The following GREB1 variants were observed in gnomAD, a reference collection of about 807,000 sequenced individuals.
GREB1 encodes protein GREB1.
GREB1 carries 106 observed loss-of-function variants against 200.7 expected under a neutral mutation model. The ratio of observed to expected loss-of-function variants is 0.53; its 90% CI spans 0.45 to 0.62. GREB1 has a LOEUF of 0.62. Ranked by LOEUF, GREB1 falls within the 20% of genes least tolerant of loss-of-function variation. The probability of loss-of-function intolerance (pLI) is 0.00; values close to 1 mark genes in which losing one functional copy is unlikely to be tolerated. For synonymous variants in GREB1, 1,132 were observed against 1,092.4 expected (o/e 1.04, Z -0.72); for missense variants, 2,243 against 2,556.8 (o/e 0.88, Z 2.65).
At chr2:11,482,988 A>G (rs1672542377) in intron 1 of GREB1, among the ~76,000 whole-genome samples, 1 of 151,012 alleles carries the variant, frequency 6.6e-6, no homozygotes, top group Non-Finnish European at 1.5e-5. Context: ...TCCGGGCGGC[A>G]GCGGGCGGAG....
chr2:11,627,192 GAGAT>G (rs1684536441), intron 25 of GREB1, 88 bp downstream of exon 25: 2 of 1,247,530 alleles, frequency 1.6e-6, no homozygotes, highest in East Asian at 2.6e-5. Context: ...TCCAGAGTGG[GAGAT>G]AGAGAGTTCT....
intron 10 of GREB1, chr2:11,591,840 C>A: frequency 5.0e-6 from 1 of 202,020 alleles, no homozygotes. Flanking sequence ...ACATTATGGA[C>A]ACACTAACAG....
chr2:11,530,306 C>G (rs558341020), upstream of GREB1, among the ~76,000 whole-genome samples: 1 of 151,966 alleles, frequency 6.6e-6, no homozygotes, highest in South Asian at 2.1e-4. Context: ...AAGTGATCCA[C>G]CCACTTTGGC....
intron 1 of GREB1, among the ~76,000 whole-genome samples, chr2:11,545,399 T>C (rs1450229585): frequency 6.6e-6 from 1 of 152,188 alleles, no homozygotes; most frequent in Non-Finnish European, 1.5e-5. Flanking sequence ...CCCAAAGTGC[T>C]GGGACTACAG....
intron 15 of GREB1, among the ~76,000 whole-genome samples, chr2:11,600,503 C>T (rs977872664): frequency 9.2e-5 from 14 of 152,166 alleles, no homozygotes; most frequent in African/African-American, 3.4e-4. Flanking sequence ...TGGAACATCC[C>T]CAGGGTCATA....
intron 1 of GREB1, among the ~76,000 whole-genome samples, chr2:11,551,349 G>A (rs1675805585): frequency 1.3e-5 from 2 of 152,196 alleles, no homozygotes; most frequent in African/African-American, 4.8e-5. Context: ...TTAAAGATAA[G>A]CAGATATCAA....
chr2:11,600,799 G>A lies in GREB1; in HGVS notation c.2334-1G>A. 4 of 1,612,234 alleles carry A rather than the reference G, an allele frequency of 2.5e-6. No individual in the cohort carries two copies. The highest frequency in any genetic ancestry group is 3.4e-6 in the Non-Finnish European group (4 of 1,178,272). ...ACTGATTGTGTCTTCTCCTCCCTCA[G>A]TAGCACTGTTCATAACCTCTATTCT... is the stretch of plus-strand genomic sequence containing the variant. On this transcript the variant is annotated splice_acceptor_variant, in intron 15 of 32. Transcript: ENST00000381486. LOFTEE classifies it high-confidence loss of function.
intron 22 of GREB1, among the ~76,000 whole-genome samples, chr2:11,619,609 G>A (rs1474562361): frequency 2.0e-5 from 3 of 152,176 alleles, no homozygotes; most frequent in Non-Finnish European, 4.4e-5. Flanking sequence ...GTTTAAAATC[G>A]TTGTCTCTTT....
intron 11 of GREB1, 125 bp downstream of exon 11, chr2:11,593,251 G>A (rs1680915081): frequency 1.6e-6 from 1 of 637,168 alleles, no homozygotes; most frequent in East Asian, 3.0e-5. Context: ...AGCACCTGCG[G>A]TTTGTGCTCA....
rs1350624192 is a variant in GREB1, at chr2:11,592,926, C to T, written c.1496C>T (p.Ala499Val). 1 of 1,584,186 alleles carries T rather than the reference C, an allele frequency of 6.3e-7. No homozygotes were observed. Among genetic ancestry groups the T allele is most frequent in the Non-Finnish European group, 8.6e-7 (1 of 1,164,622 alleles). The change falls in exon 11 of 33, where the codon GCG (alanine) becomes GTG (valine). Residue 499 changes from alanine to valine, a missense_variant. By Grantham distance (64) the Ala-to-Val change is moderately conservative. Coordinates refer to ENST00000381486, the MANE Select transcript of GREB1 (RefSeq NM_014668.4). ...APSAAAPVTS[A>V]QLPWLASLAA... ...AGCGCCGCGGCACCCGTGACCTCCG[C>T]GCAGCTGCCCTGGCTGGCCAGCCTG...
chr2:11,618,315 C>T lies in GREB1; in HGVS notation c.3440C>T (p.Ala1147Val). The part of the protein sequence containing the change: ...SGSALGGESS[A>V]QPTALPQGEH... ...TCAGCGCTCGGTGGCGAGTCCTCGG[C>T]TCAGCCCACAGCACTCCCCCAGGGA... Residue 1147 changes from alanine (A) to valine (V), a missense_variant, in exon 22 of 33, where the codon GCT (alanine) becomes GTT (valine). Physicochemically the swap from Ala to Val is moderately conservative, Grantham distance 64. Coordinates refer to ENST00000381486, the MANE Select transcript of GREB1 (RefSeq NM_014668.4). 3 of 1,584,472 alleles carry T rather than the reference C, an allele frequency of 1.9e-6. No homozygotes were observed. Among genetic ancestry groups the T allele is most frequent in the Non-Finnish European group, 2.6e-6 (3 of 1,163,664 alleles).
At chr2:11,567,400 C>A (rs1481401822) in intron 4 of GREB1, among the ~76,000 whole-genome samples, 3 of 152,242 alleles carry the variant, frequency 2.0e-5, no homozygotes, top group Non-Finnish European at 4.4e-5. Flanking sequence ...CCTGGGATTA[C>A]AAGCATGAGC....
intron 1 of GREB1, among the ~76,000 whole-genome samples, chr2:11,508,831 G>A (rs966430499): frequency 5.3e-5 from 8 of 150,976 alleles, no homozygotes; most frequent in African/African-American, 1.9e-4. Flanking sequence ...GAAACATGAA[G>A]ACATCTGAGG....
Position 11,618,379 on chromosome 2 carries a change from G to A in GREB1, c.3504G>A (p.Glu1168=). 6.2e-7 allele frequency: 1 copy of A among 1,611,948 alleles called. No individual in the cohort carries two copies. Among genetic ancestry groups the A allele is most frequent in the Non-Finnish European group, 8.5e-7 (1 of 1,179,414 alleles). The change falls in exon 22 of 33, where the codon GAG becomes GAA. Residue 1168 remains glutamate (E), a synonymous_variant. Transcript: ENST00000381486. ...ARSPQPRGPA[E]EGRAPGEKQR... The stretch of plus-strand genomic sequence containing the variant: ...CGCCCCAGCCCCGTGGCCCCGCAGA[G>A]GAGGGCAGAGCCCCTGGTGAGAAAC...
At position 11,547,964 on chromosome 2, in the gene GREB1, T is replaced by C. The variant is rs1217724580; in HGVS notation, c.-161-8490T>C. Among the ~76,000 whole-genome samples, 12 of 152,160 alleles carry C rather than the reference T, an allele frequency of 7.9e-5. 1 individual carries two copies. Among genetic ancestry groups the C allele is most frequent in the Non-Finnish European group, 2.9e-5 (2 of 68,026 alleles). ...TGGGAGGCCGAGGCGGTAGAATTTC[T>C]TGAGCCGAGGAGTTTGAGACCAGCC... is the stretch of plus-strand genomic sequence containing the variant. On this transcript the variant is annotated intron_variant, in intron 1 of 32. Transcript: ENST00000381486.
At chr2:11,638,250 C>T (rs1358582735) in intron 31 of GREB1, among the ~76,000 whole-genome samples, 3 of 152,192 alleles carry the variant, frequency 2.0e-5, no homozygotes, top group Non-Finnish European at 4.4e-5. Flanking sequence ...AAGTGATTCT[C>T]CTGCCTCAGC....
At chr2:11,552,865 C>T (rs1466913434) in intron 1 of GREB1, among the ~76,000 whole-genome samples, 2 of 152,002 alleles carry the variant, frequency 1.3e-5, no homozygotes, top group Non-Finnish European at 2.9e-5. Flanking sequence ...CAAAAATTAG[C>T]CGGGCATGGT....
chr2:11,556,810 T>C lies in GREB1; in HGVS notation c.157+39T>C, dbSNP rs757499003. On this transcript the variant is annotated intron_variant, in intron 2 of 32. Coordinates refer to ENST00000381486, the MANE Select transcript of GREB1 (RefSeq NM_014668.4). ...GTTGCTTTTATCTGTGTATTTCTTT[T>C]ATTGTGCGCAGTTAATGTTAGCACC... 10 of 1,549,574 alleles carry C rather than the reference T, an allele frequency of 6.5e-6. 1 individual carries two copies. The South Asian group carries it at 1.2e-4, about 18-fold the overall frequency.
chr2:11,599,486 C>T (rs1195338195), intron 15 of GREB1, among the ~76,000 whole-genome samples: 1 of 151,146 alleles, frequency 6.6e-6, no homozygotes, highest in Non-Finnish European at 1.5e-5. Flanking sequence ...ACTACAGGCA[C>T]CTGTCTCCAC....
Sources: gnomAD v4.1 joint callset for allele counts (sites outside exome capture counted in the v4.1 genomes callset) on GRCh38, gnomAD v4.1.1 for gene constraint, MANE v1.5 for transcripts, NCBI Gene and HGNC (gene_info 2026-07-23, HGNC 2026-07-21) for gene names.